Variants in ANK3 observed in about 807,000 individuals in gnomAD.
The protein encoded by ANK3 is ankyrin-3.
ANK3 carries 57 observed loss-of-function variants against 370.9 expected under a neutral mutation model. The ratio of observed to expected loss-of-function variants is 0.15; its 90% CI spans 0.12 to 0.19. ANK3 has a LOEUF of 0.19. Among genes scored for constraint, ANK3 ranks in the 10% least tolerant of loss-of-function variants. The probability of loss-of-function intolerance (pLI) is 1.00; values close to 1 mark genes in which losing one functional copy is unlikely to be tolerated. For synonymous variants in ANK3, 1,929 were observed against 1,946.3 expected (o/e 0.99, Z 0.23); for missense variants, 4,439 against 5,302.1 (o/e 0.84, Z 5.06).
intron 36 of ANK3, among the ~76,000 whole-genome samples, chr10:60,079,463 A>G (rs768758554): frequency 3.3e-5 from 5 of 152,192 alleles, no homozygotes; most frequent in African/African-American, 7.2e-5. Flanking sequence ...GTGGTGCAGT[A>G]GTGTCCTGCC....
intron 26 of ANK3, chr10:60,111,724 C>T: frequency 4.4e-6 from 2 of 454,946 alleles, no homozygotes; most frequent in South Asian, 3.1e-5. Context: ...ATAAAGGACA[C>T]AGTTATCACC....
rs548780827 is a variant in ANK3 at position 60,068,968 on chromosome 10, A to AGTG, written c.11910_11912dup (p.Thr3978dup). 4.8e-5 allele frequency: 77 copies of AGTG among 1,612,782 alleles called. No homozygotes were observed. In the African/African-American group the frequency reaches 8.2e-4, roughly 17 times the overall value. On this transcript the variant is annotated inframe_insertion, in exon 37 of 44. Transcript: ENST00000280772. ...AGCTGGTGGTGGTGGTAGTGGTGGTAGTGGTGGTGGTGGTGGCAGTGGTGG... is the reference window on the plus strand; with the variant it reads ...AGCTGGTGGTGGTGGTAGTGGTGGTAGTGGTGGTGGTGGTGGTGGCAGTGGTGG...
chr10:60,503,922 C>G (rs940090824), intron 2 of ANK3, among the ~76,000 whole-genome samples: 1 of 152,070 alleles, frequency 6.6e-6, no homozygotes, highest in African/African-American at 2.4e-5. Context: ...TAATGTGATA[C>G]CTTGATTTCT....
chr10:60,030,980 G>C (rs572912847), intron 43 of ANK3, among the ~76,000 whole-genome samples: 37 of 152,274 alleles, frequency 2.4e-4, no homozygotes, highest in African/African-American at 7.9e-4. Flanking sequence ...GTGGCTGAGA[G>C]AGGTAATCTC....
chr10:60,613,834 GAGGTCGAAGC>G (rs2078232919), intron 2 of ANK3, among the ~76,000 whole-genome samples: 1 of 152,166 alleles, frequency 6.6e-6, no homozygotes, highest in Non-Finnish European at 1.5e-5. Flanking sequence ...AGCACTTTGG[GAGGTCGAAGC>G]AGGCAGATCA....
chr10:60,276,990 T>C (rs2098100564), intron 4 of ANK3, among the ~76,000 whole-genome samples: 1 of 152,218 alleles, frequency 6.6e-6, no homozygotes, highest in Non-Finnish European at 1.5e-5. Flanking sequence ...ACATCATTCC[T>C]TTCTGGAAAA....
intron 2 of ANK3, among the ~76,000 whole-genome samples, chr10:60,561,405 A>T (rs2077331686): frequency 6.6e-6 from 1 of 152,138 alleles, no homozygotes; most frequent in African/African-American, 2.4e-5. Flanking sequence ...GGCTTGAGAG[A>T]TGTGGTTTCC....
intron 2 of ANK3, among the ~76,000 whole-genome samples, chr10:60,558,545 T>C (rs1298680597): frequency 1.3e-5 from 2 of 152,186 alleles, no homozygotes; most frequent in African/African-American, 4.8e-5. Context: ...CTCTCTTATA[T>C]ACCACCCTAT....
At chr10:60,352,967 T>C (rs944297826) in intron 1 of ANK3, among the ~76,000 whole-genome samples, 2 of 151,654 alleles carry the variant, frequency 1.3e-5, no homozygotes, top group African/African-American at 2.4e-5. Flanking sequence ...AAATGAAAAA[T>C]AGGAGGTGTG....
chr10:60,400,577 C>A (rs926828753), intron 2 of ANK3, among the ~76,000 whole-genome samples: 3 of 151,936 alleles, frequency 2.0e-5, no homozygotes, highest in Admixed American at 2.0e-4. Flanking sequence ...TTTTTTTTTA[C>A]ATTACAATAA....
At chr10:60,151,597 T>G (rs2095118950) in intron 23 of ANK3, among the ~76,000 whole-genome samples, 1 of 151,842 alleles carries the variant, frequency 6.6e-6, no homozygotes, top group South Asian at 2.1e-4. Flanking sequence ...AAAAAAAAAG[T>G]GTTCAAAATT....
At chr10:60,557,030 TC>T (rs1483304976) in intron 2 of ANK3, among the ~76,000 whole-genome samples, 1 of 152,068 alleles carries the variant, frequency 6.6e-6, no homozygotes, top group African/African-American at 2.4e-5. Flanking sequence ...CCCAAAGCCA[TC>T]CCCCTCCCCC....
At chr10:60,633,360 A>G (rs2078510389) in intron 1 of ANK3, among the ~76,000 whole-genome samples, 1 of 152,216 alleles carries the variant, frequency 6.6e-6, no homozygotes, top group Non-Finnish European at 1.5e-5. Flanking sequence ...AGTTATTTTT[A>G]AGTGTTATCA....
intron 2 of ANK3, among the ~76,000 whole-genome samples, chr10:60,490,323 G>A (rs542990363): frequency 7.9e-5 from 12 of 152,134 alleles, no homozygotes; most frequent in Middle Eastern, 3.2e-3. Context: ...TCTGGGATGA[G>A]GCCCAGAACA....
intron 2 of ANK3, among the ~76,000 whole-genome samples, chr10:60,552,445 C>T (rs190144557): frequency 3.5e-4 from 54 of 152,172 alleles, no homozygotes; most frequent in Admixed American, 9.8e-4. Context: ...TAAACATCAC[C>T]GGCTTTAAAG....
intron 25 of ANK3, 115 bp downstream of exon 25, chr10:60,134,156 A>T: frequency 2.4e-6 from 2 of 844,688 alleles, no homozygotes; most frequent in African/African-American, 1.7e-5. Context: ...CAGAAGATTT[A>T]CAAATGTAAA....
At chr10:60,505,162 T>A (rs2075903689) in intron 2 of ANK3, among the ~76,000 whole-genome samples, 1 of 152,154 alleles carries the variant, frequency 6.6e-6, no homozygotes, top group Non-Finnish European at 1.5e-5. Flanking sequence ...ATTTATTAAA[T>A]CATTGTCTCC....
intron 23 of ANK3, among the ~76,000 whole-genome samples, chr10:60,162,533 G>A (rs1030387495): frequency 2.6e-5 from 4 of 152,122 alleles, no homozygotes; most frequent in African/African-American, 7.2e-5. Context: ...AATTTGGCAC[G>A]AAGCTGAACA....
chr10:60,656,906 T>C (rs1232896233), intron 1 of ANK3, among the ~76,000 whole-genome samples: 1 of 152,064 alleles, frequency 6.6e-6, no homozygotes, highest in Non-Finnish European at 1.5e-5. Flanking sequence ...TACAGGCACA[T>C]GCCATCTTGC....
Sources: gnomAD v4.1 joint callset for allele counts (sites outside exome capture counted in the v4.1 genomes callset) on GRCh38, gnomAD v4.1.1 for gene constraint, MANE v1.5 for transcripts, NCBI Gene and HGNC (gene_info 2026-07-23, HGNC 2026-07-21) for gene names.